CFAP43: variants seen among roughly 807,000 people sequenced by gnomAD.
CFAP43 encodes the protein cilia- and flagella-associated protein 43.
CFAP43 carries 155 observed loss-of-function variants against 218.9 expected under a neutral mutation model. The observed-to-expected ratio is 0.71, with a 90% CI of 0.62 to 0.81. The LOEUF (loss-of-function observed/expected upper bound fraction) is 0.81. Ranked by LOEUF, CFAP43 falls within the 30% of genes least tolerant of loss-of-function variation. CFAP43 has a pLI of 0.00. For synonymous variants in CFAP43, 645 were observed against 681.3 expected, an observed-to-expected ratio of 0.95 and a Z score of 0.83; for missense variants, 1,778 against 1,954.3, an observed-to-expected ratio of 0.91 and a Z score of 1.70.
chr10:104,146,321 G>C lies in CFAP43; in HGVS notation c.3797C>G (p.Ser1266Cys), dbSNP rs766786059. 1 of 1,613,724 alleles carries C rather than the reference G, an allele frequency of 6.2e-7. No individual in the cohort carries two copies. Among genetic ancestry groups the C allele is most frequent in the South Asian group, 1.1e-5 (1 of 91,058 alleles). Residue 1266 changes from serine to cysteine, a missense_variant, in exon 30 of 38, where the codon TCT becomes TGT. By Grantham distance (112) the Ser-to-Cys change is moderately radical. Transcript: ENST00000357060. The stretch of plus-strand genomic sequence containing the variant: ...CTTGCACACATCCAGGTCTTCTCTA[G>C]ATTTCCGAACAGCTTCTGAAGTCTG... ...KSQTSEAVRK[S>C]REDLDVCKEH...
chr10:104,208,766 A>C lies in CFAP43; in HGVS notation c.736-942T>G, dbSNP rs550995222. 1.5e-4 allele frequency among the ~76,000 whole-genome samples: 23 copies of C among 152,296 alleles called. 2 individuals are homozygous for C. The highest frequency in any genetic ancestry group is 3.4e-3 in the Middle Eastern group (1 of 294). On this transcript the variant is annotated intron_variant, in intron 5 of 37. Coordinates refer to ENST00000357060, the MANE Select transcript of CFAP43 (RefSeq NM_025145.7). ...CAAAATATTTGAGTCTCTAAAAGAGATTCCTATTTAGCAACATCTGTTTGA... is the reference window on the plus strand; with the variant it reads ...CAAAATATTTGAGTCTCTAAAAGAGCTTCCTATTTAGCAACATCTGTTTGA...
chr10:104,184,032 CT>C (rs2089947679), intron 16 of CFAP43, among the ~76,000 whole-genome samples: 1 of 152,136 alleles, frequency 6.6e-6, no homozygotes, highest in Non-Finnish European at 1.5e-5. Context: ...TTTATTACTG[CT>C]TTGATCACAG....
chr10:104,190,415 G>GCCATCTA (rs2090174224), intron 12 of CFAP43, among the ~76,000 whole-genome samples: 1 of 152,192 alleles, frequency 6.6e-6, no homozygotes, highest in African/African-American at 2.4e-5. Context: ...CACACTCAGT[G>GCCATCTA]CCATCTAATT....
Position 104,203,814 on chromosome 10 carries a change from G to A in CFAP43, c.964-11C>T. 6.3e-7 allele frequency: 1 copy of A among 1,589,532 alleles called. No individual in the cohort carries two copies. Among genetic ancestry groups the A allele is most frequent in the South Asian group, 1.2e-5 (1 of 85,736 alleles). ...ATACACAAAGCCATCCTAGAGATGA[G>A]TGAGATAAACATAGAAAATCAGTCT... On this transcript the variant is annotated splice_polypyrimidine_tract_variant and intron_variant, in intron 7 of 37. Transcript: ENST00000357060.
Position 104,161,941 on chromosome 10 carries a change from A to T in CFAP43, c.3414+20T>A, listed in dbSNP as rs1402370537. The T allele has an allele frequency of 2.5e-6, 4 of 1,607,644 alleles. No homozygotes were observed. The highest frequency in any genetic ancestry group is 1.3e-5 in the African/African-American group (1 of 74,740). On this transcript the variant is annotated intron_variant, in intron 26 of 37. Coordinates refer to ENST00000357060, the MANE Select transcript of CFAP43 (RefSeq NM_025145.7). ...TTTCCACCCCATTCCACCTTCTATAAGGATGAACAGAAATATCACCATTCT... is the reference window on the plus strand; with the variant it reads ...TTTCCACCCCATTCCACCTTCTATATGGATGAACAGAAATATCACCATTCT...
At chr10:104,134,763 A>G (rs929610023) in intron 34 of CFAP43, among the ~76,000 whole-genome samples, 5 of 152,190 alleles carry the variant, frequency 3.3e-5, no homozygotes, top group Non-Finnish European at 5.9e-5. Flanking sequence ...AGAAAAGCCC[A>G]GGACAAGAAG....
At chr10:104,198,238 G>A (rs570418138) in intron 8 of CFAP43, among the ~76,000 whole-genome samples, 200 bp from the exon 9 acceptor site, 9 of 152,106 alleles carry the variant, frequency 5.9e-5, no homozygotes, top group Admixed American at 3.3e-4. Context: ...TTGATTGATC[G>A]GTTGATTCAT....
At chr10:104,200,857 T>G (rs183321017) in intron 8 of CFAP43, among the ~76,000 whole-genome samples, 35 of 152,086 alleles carry the variant, frequency 2.3e-4, no homozygotes, top group African/African-American at 8.4e-4. Flanking sequence ...GGACAAGAGT[T>G]CACAGTAGTA....
At chr10:104,150,895 C>T (rs565945961) in intron 28 of CFAP43, among the ~76,000 whole-genome samples, 1 of 152,224 alleles carries the variant, frequency 6.6e-6, no homozygotes, top group African/African-American at 2.4e-5. Context: ...TCCCACCCAC[C>T]ACCCTCAGGA....
intron 31 of CFAP43, 56 bp from the exon 32 acceptor site, chr10:104,143,695 G>T: frequency 6.4e-7 from 1 of 1,552,258 alleles, no homozygotes. Context: ...AAACATCAAT[G>T]TGAAACAATT....
chr10:104,135,794 T>C (rs1183496695), intron 34 of CFAP43, among the ~76,000 whole-genome samples: 1 of 151,768 alleles, frequency 6.6e-6, no homozygotes, highest in Non-Finnish European at 1.5e-5. Context: ...AAGGAATCTA[T>C]AGATTTAATG....
In CFAP43 at chr10:104,187,431, C is replaced by A; in HGVS notation, c.1749G>T (p.Leu583=). The A allele has an allele frequency of 6.2e-7, 1 of 1,606,906 alleles. No individual in the cohort carries two copies. Residue 583 remains leucine (L), a synonymous_variant, in exon 14 of 38, where the codon CTG becomes CTT. Coordinates refer to ENST00000357060, the MANE Select transcript of CFAP43 (RefSeq NM_025145.7). The part of the protein sequence containing the change: ...RLKDEIIHKY[L]YELEHALSSA... ...AGGACAGAGCGTGCTCCAACTCATA[C>A]AGGTACTTATGAATGATTTCATCTT...
At chr10:104,192,865 C>A (rs11813171) in intron 11 of CFAP43, 19,583 of 156,168 alleles carry the variant, frequency 0.13, 1,489 homozygotes, top group African/African-American at 0.22. Context: ...TGGAGCTGGG[C>A]AGTCCACAGT....
At chr10:104,209,713 C>T (rs1362206405) in intron 5 of CFAP43, among the ~76,000 whole-genome samples, 1 of 152,166 alleles carries the variant, frequency 6.6e-6, no homozygotes, top group Non-Finnish European at 1.5e-5. Context: ...GGGGCTCTGG[C>T]ACCAAATACT....
intron 3 of CFAP43, among the ~76,000 whole-genome samples, chr10:104,218,426 G>A (rs2091082895): frequency 6.6e-6 from 1 of 150,626 alleles, no homozygotes; most frequent in Non-Finnish European, 1.5e-5. Flanking sequence ...TAAGCCTTAT[G>A]CAATTCTTCC....
At chr10:104,175,631 T>C (rs2089600260) in intron 19 of CFAP43, among the ~76,000 whole-genome samples, 1 of 152,180 alleles carries the variant, frequency 6.6e-6, no homozygotes, top group Non-Finnish European at 1.5e-5. Context: ...TTGTTTACCT[T>C]CGTGATTGCA....
At chr10:104,208,236 T>A (rs1041171747) in intron 5 of CFAP43, among the ~76,000 whole-genome samples, 2 of 152,224 alleles carry the variant, frequency 1.3e-5, no homozygotes, top group Non-Finnish European at 2.9e-5. Context: ...GTTTTTTTTA[T>A]GACATCTAAC....
intron 3 of CFAP43, among the ~76,000 whole-genome samples, chr10:104,217,613 C>T (rs776497800): frequency 7.2e-5 from 11 of 152,298 alleles, no homozygotes; most frequent in Non-Finnish European, 1.5e-4. Context: ...GCCTCCACTG[C>T]GAATGAAAAC....
At chr10:104,212,522 G>A (rs531307681) in intron 4 of CFAP43, among the ~76,000 whole-genome samples, 3 of 152,164 alleles carry the variant, frequency 2.0e-5, no homozygotes, top group East Asian at 3.9e-4. Context: ...AAGCCAAGAG[G>A]GTTGTTGACA....
Sources: gnomAD v4.1 joint callset for allele counts (sites outside exome capture counted in the v4.1 genomes callset) on GRCh38, gnomAD v4.1.1 for gene constraint, MANE v1.5 for transcripts, NCBI Gene and HGNC (gene_info 2026-07-23, HGNC 2026-07-21) for gene names.